RGS18: variants seen among roughly 807,000 people sequenced by gnomAD.
RGS18 encodes the protein regulator of G protein signaling 18.
Under a neutral mutation model 27.6 loss-of-function variants are expected in RGS18, and 22 were observed. The ratio of observed to expected loss-of-function variants is 0.80; its 90% CI spans 0.57 to 1.14. The LOEUF is 1.14. Among genes scored for constraint, RGS18 ranks in the 50% most tolerant of loss-of-function variants. The probability of loss-of-function intolerance (pLI) is 0.00; values close to 1 mark genes in which losing one functional copy is unlikely to be tolerated. For synonymous variants in RGS18, 89 were observed against 84.6 expected (o/e 1.05, Z -0.29); for missense variants, 299 against 269.6 (o/e 1.11, Z -0.76).
intron 3 of RGS18, among the ~76,000 whole-genome samples, chr1:192,179,489 A>G (rs1425867226): frequency 6.6e-6 from 1 of 151,632 alleles, no homozygotes; most frequent in Admixed American, 6.6e-5. Flanking sequence ...AACATTTTAT[A>G]AAACTATACA....
chr1:192,184,205 C>A, intron 4 of RGS18, 92 bp from the exon 5 acceptor site: 8 of 1,158,622 alleles, frequency 6.9e-6, no homozygotes, highest in Non-Finnish European at 9.9e-6. Context: ...CCCAAGATGC[C>A]CACTCCAACA....
At chr1:192,175,483 ATC>A (rs1331662751) in intron 3 of RGS18, among the ~76,000 whole-genome samples, 1 of 151,860 alleles carries the variant, frequency 6.6e-6, no homozygotes, top group Non-Finnish European at 1.5e-5. Flanking sequence ...AGGCTGGTAT[ATC>A]TCAGAATTGT....
At chr1:192,167,318 A>G (rs1271019925) in intron 3 of RGS18, among the ~76,000 whole-genome samples, 1 of 152,180 alleles carries the variant, frequency 6.6e-6, no homozygotes, top group Non-Finnish European at 1.5e-5. Flanking sequence ...TTTTCAAGTT[A>G]CAGTTCCTAA....
At chr1:192,160,308 A>G (rs1244859101) in intron 2 of RGS18, 70 bp from the exon 3 acceptor site, 2 of 826,780 alleles carry the variant, frequency 2.4e-6, no homozygotes, top group East Asian at 5.2e-5. Context: ...GTAAAATAGC[A>G]TATGTTAGAA....
Position 192,163,480 on chromosome 1 carries a change from T to C in RGS18, c.283+3041T>C, listed in dbSNP as rs201218756. The C allele has an allele frequency of 2.0e-4, 31 of 152,288 alleles. No homozygotes were observed. The East Asian group carries it at 4.4e-3, about 22-fold the overall frequency. The allele number at this position is 152,288 out of a possible 1,614,324, so 9.4% of individuals were successfully genotyped here. On this transcript the variant is annotated intron_variant, in intron 3 of 4. Coordinates refer to ENST00000367460, the MANE Select transcript of RGS18 (RefSeq NM_130782.3). ...ACCTAGCATTCTGTAATCTTTCTTC[T>C]TTAAAAGTGGTAAAAAGCAAAAGGA... is the stretch of plus-strand genomic sequence containing the variant.
At chr1:192,166,836 G>T (rs1372098495) in intron 3 of RGS18, among the ~76,000 whole-genome samples, 1 of 152,106 alleles carries the variant, frequency 6.6e-6, no homozygotes, top group Non-Finnish European at 1.5e-5. Flanking sequence ...GTTTTGCAGG[G>T]TTTTGTAAGT....
chr1:192,181,167 C>T (rs944224567), intron 3 of RGS18, 125 bp from the exon 4 acceptor site: 144 of 531,920 alleles, frequency 2.7e-4, no homozygotes, highest in Middle Eastern at 2.6e-3. Context: ...ATGTGTGCTG[C>T]GGTGCTGCAT....
At chr1:192,179,715 A>G (rs2102160088) in intron 3 of RGS18, among the ~76,000 whole-genome samples, 1 of 151,698 alleles carries the variant, frequency 6.6e-6, no homozygotes, top group East Asian at 2.0e-4. Flanking sequence ...AAAACAACAT[A>G]TACTACATGA....
chr1:192,178,200 T>C (rs1362299542), intron 3 of RGS18, among the ~76,000 whole-genome samples: 1 of 151,654 alleles, frequency 6.6e-6, no homozygotes. Context: ...TTCCCGTTTA[T>C]ATCCCTGAGT....
chr1:192,165,987 A>G (rs1656156791), intron 3 of RGS18, among the ~76,000 whole-genome samples: 1 of 152,228 alleles, frequency 6.6e-6, no homozygotes, highest in Non-Finnish European at 1.5e-5. Context: ...ATATCAAACT[A>G]TATCTGTCAT....
At chr1:192,181,656 G>A (rs1656458937) in intron 4 of RGS18, among the ~76,000 whole-genome samples, 198 bp downstream of exon 4, 1 of 151,654 alleles carries the variant, frequency 6.6e-6, no homozygotes, top group East Asian at 1.9e-4. Flanking sequence ...TAAAATCAGA[G>A]TTAGCATATT....
intron 3 of RGS18, among the ~76,000 whole-genome samples, chr1:192,177,027 C>A (rs932020619): frequency 6.6e-6 from 1 of 151,644 alleles, no homozygotes. Context: ...GGGTTAAATA[C>A]CAAACTAATA....
intron 3 of RGS18, 39 bp from the exon 4 acceptor site, chr1:192,181,253 A>T: frequency 8.8e-7 from 1 of 1,136,418 alleles, no homozygotes; most frequent in Non-Finnish European, 1.2e-6. Flanking sequence ...TTCCAACATT[A>T]ATACCATTTT....
At chr1:192,173,686 T>A (rs536106995) in intron 3 of RGS18, among the ~76,000 whole-genome samples, 1 of 151,820 alleles carries the variant, frequency 6.6e-6, no homozygotes, top group Non-Finnish European at 1.5e-5. Flanking sequence ...ATTGTTTTTT[T>A]AAACAATTTC....
intron 3 of RGS18, among the ~76,000 whole-genome samples, chr1:192,162,313 T>A (rs1047559780): frequency 2.0e-5 from 3 of 152,216 alleles, no homozygotes; most frequent in African/African-American, 4.8e-5. Flanking sequence ...TGTTTTGTTT[T>A]GTTTTTGTGT....
chr1:192,177,377 T>C (rs1348911650), intron 3 of RGS18, among the ~76,000 whole-genome samples: 1 of 151,640 alleles, frequency 6.6e-6, no homozygotes, highest in Non-Finnish European at 1.5e-5. Context: ...TTTCATGTTT[T>C]TTTAATATAA....
At chr1:192,168,855 G>A (rs189647358) in intron 3 of RGS18, 3 of 152,182 alleles carry the variant, frequency 2.0e-5, no homozygotes, top group Admixed American at 2.0e-4. Flanking sequence ...CTGTCTGTAA[G>A]ATTTAATGCA....
chr1:192,181,603 C>T, intron 4 of RGS18, 145 bp downstream of exon 4: 1 of 537,200 alleles, frequency 1.9e-6, no homozygotes, highest in Non-Finnish European at 3.1e-6. Flanking sequence ...ATGTTAATGA[C>T]ATACAGTGTG....
Position 192,184,662 on chromosome 1 carries a change from G to A in RGS18, c.*108G>A, listed in dbSNP as rs567283411. ...CATCCTTTAAACTGAAATATGTCAT[G>A]TGAAATTATTTTAAAAATGTAAAAA... On this transcript the variant is annotated 3_prime_UTR_variant, in exon 5 of 5. Coordinates refer to ENST00000367460, the MANE Select transcript of RGS18 (RefSeq NM_130782.3). The A allele has an allele frequency of 1.3e-4, 136 of 1,062,244 alleles. 1 individual carries two copies. In the African/African-American group the frequency reaches 1.9e-3, roughly 15 times the overall value. 65.8% of individuals were successfully genotyped at this position (1,062,244 alleles called of 1,614,324 possible). A position where few individuals can be genotyped will look rare whatever the true frequency, so the allele number is the denominator to read the frequency against.
Sources: gnomAD v4.1 joint callset for allele counts (sites outside exome capture counted in the v4.1 genomes callset) on GRCh38, gnomAD v4.1.1 for gene constraint, MANE v1.5 for transcripts, NCBI Gene and HGNC (gene_info 2026-07-23, HGNC 2026-07-21) for gene names.